Variants in FOXO1 observed in about 807,000 individuals in gnomAD.
FOXO1 encodes forkhead box protein O1.
A neutral mutation model predicts 44.1 loss-of-function variants in FOXO1; 6 were observed. That is an observed-to-expected ratio of 0.14 (90% CI 0.07 to 0.27). FOXO1 has a LOEUF of 0.27. Among genes scored for constraint, FOXO1 ranks in the 10% least tolerant of loss-of-function variants. The pLI is 1.00. For missense variants in FOXO1, 737 were observed against 888.8 expected, an observed-to-expected ratio of 0.83 and a Z score of 2.17; for synonymous variants, 380 against 362.7, an observed-to-expected ratio of 1.05 and a Z score of -0.54.
chr13:40,661,989 T>C (rs915659733), intron 1 of FOXO1, among the ~76,000 whole-genome samples: 5 of 151,686 alleles, frequency 3.3e-5, no homozygotes, highest in Non-Finnish European at 7.4e-5. Flanking sequence ...CAAGCCAATA[T>C]GTGAAACCCC....
rs572770800 is a variant in FOXO1 at position 40,655,719 on chromosome 13, T to C, written c.630+9864A>G. Among the ~76,000 whole-genome samples the C allele has an allele frequency of 9.4e-5, 13 of 138,146 alleles. 1 individual carries two copies. In the South Asian group the frequency reaches 2.5e-3, roughly 27 times the overall value. 90.6% of individuals were successfully genotyped at this position (138,146 alleles called of 152,430 possible). On this transcript the variant is annotated intron_variant, in intron 1 of 2. Transcript: ENST00000379561. ...GTGTCGTGGCATAATCTCAGCTCAC[T>C]ACAGCCTCCACCTCACAGGTCTGAG...
At chr13:40,633,636 T>C (rs573592024) in intron 1 of FOXO1, among the ~76,000 whole-genome samples, 72 of 152,232 alleles carry the variant, frequency 4.7e-4, no homozygotes, top group Non-Finnish European at 1.8e-4. Flanking sequence ...GAGTGACTGG[T>C]AGTAGATTTC....
intron 1 of FOXO1, among the ~76,000 whole-genome samples, chr13:40,655,295 A>C (rs1035450765): frequency 6.7e-6 from 1 of 150,232 alleles, no homozygotes; most frequent in Non-Finnish European, 1.5e-5. Flanking sequence ...GGTTGCAGTG[A>C]GCCAAGATTG....
intron 1 of FOXO1, among the ~76,000 whole-genome samples, chr13:40,598,418 T>TG (rs947709957): frequency 6.6e-6 from 1 of 152,132 alleles, no homozygotes; most frequent in Non-Finnish European, 1.5e-5. Flanking sequence ...TGACCATTTC[T>TG]GATATATTAT....
chr13:40,561,667 TATATAGA>T (rs1874024541), intron 1 of FOXO1, among the ~76,000 whole-genome samples: 1 of 151,806 alleles, frequency 6.6e-6, no homozygotes, highest in Non-Finnish European at 1.5e-5. Context: ...GAATATAGAA[TATATAGA>T]ATATAGAATA....
chr13:40,590,704 C>T (rs573693028), intron 1 of FOXO1, among the ~76,000 whole-genome samples: 41 of 152,292 alleles, frequency 2.7e-4, no homozygotes, highest in African/African-American at 7.9e-4. Flanking sequence ...GCTGCAATAT[C>T]GTTCCAGTTT....
chr13:40,623,797 G>A (rs1352864106), intron 1 of FOXO1, among the ~76,000 whole-genome samples: 3 of 151,862 alleles, frequency 2.0e-5, no homozygotes, highest in Non-Finnish European at 4.4e-5. Flanking sequence ...CAGTTCTGGG[G>A]ACCATGGTCA....
chr13:40,665,828 C>CGGGCGGCGG lies in FOXO1; in HGVS notation c.376_384dup (p.Pro126_Pro128dup). 1.1e-5 allele frequency: 13 copies of CGGGCGGCGG among 1,169,810 alleles called. No homozygotes were observed. Among genetic ancestry groups the CGGGCGGCGG allele is most frequent in the Non-Finnish European group, 1.4e-5 (13 of 946,104 alleles). The allele number at this position is 1,169,810 out of a possible 1,614,324, so 72.5% of individuals were successfully genotyped here. A position where few individuals can be genotyped will look rare whatever the true frequency, so the allele number is the denominator to read the frequency against. ...ACCGGCGGGTGCTGCGACAGCGGCC[C>CGGGCGGCGG]GGGCGGCGGGGGCTGCGGTGGCGCT... On this transcript the variant is annotated inframe_insertion, in exon 1 of 3. Coordinates refer to ENST00000379561, the MANE Select transcript of FOXO1 (RefSeq NM_002015.4).
Position 40,560,861 on chromosome 13 carries a change from C to G in FOXO1, c.631-1G>C. ...GGGACAGATTATGACGAATTGAATT[C>G]TGTAAGGCAAAACATCTTATTAGAA... On this transcript the variant is annotated splice_acceptor_variant, in intron 1 of 2. Coordinates refer to ENST00000379561, the MANE Select transcript of FOXO1 (RefSeq NM_002015.4). LOFTEE classifies it high-confidence loss of function. This position sits in a 1 kb window ranked among gnomAD's most constrained non-coding sequence, Gnocchi z 5.1. The G allele has an allele frequency of 6.3e-7, 1 of 1,594,868 alleles. No individual in the cohort carries two copies. Among genetic ancestry groups the G allele is most frequent in the South Asian group, 1.1e-5 (1 of 88,468 alleles).
intron 1 of FOXO1, among the ~76,000 whole-genome samples, chr13:40,653,296 T>G (rs567426177): frequency 6.6e-6 from 1 of 152,122 alleles, no homozygotes; most frequent in Admixed American, 6.6e-5. Context: ...AGGTACAGAA[T>G]GCAGGGTGCC....
intron 1 of FOXO1, among the ~76,000 whole-genome samples, chr13:40,589,236 A>G (rs2701865): frequency 0.11 from 16,875 of 152,248 alleles, 1,303 homozygotes; most frequent in East Asian, 0.25. Context: ...GTAACTATCT[A>G]TTCACATAAA....
intron 1 of FOXO1, among the ~76,000 whole-genome samples, chr13:40,657,298 C>T (rs903909021): frequency 6.7e-6 from 1 of 150,038 alleles, no homozygotes; most frequent in African/African-American, 2.5e-5. Flanking sequence ...CGTAAGGGAA[C>T]AATCTCCCAT....
At chr13:40,653,723 C>T (rs1877760225) in intron 1 of FOXO1, among the ~76,000 whole-genome samples, 1 of 152,174 alleles carries the variant, frequency 6.6e-6, no homozygotes, top group African/African-American at 2.4e-5. Flanking sequence ...ATGCCAGGTT[C>T]ACTTGGCTAC....
chr13:40,666,160 G>C lies in FOXO1; in HGVS notation c.53C>G (p.Pro18Arg), dbSNP rs1434507228. 2 of 1,463,218 alleles carry C rather than the reference G, an allele frequency of 1.4e-6. No individual in the cohort carries two copies. The highest frequency in any genetic ancestry group is 3.0e-5 in the East Asian group (1 of 33,282). 90.6% of individuals were successfully genotyped at this position (1,463,218 alleles called of 1,614,324 possible). The change falls in exon 1 of 3, where the codon CCC becomes CGC. Residue 18 changes from proline (P) to arginine (R), a missense_variant. By Grantham distance (103) the Pro-to-Arg change is moderately radical. Around this residue, in one of 7 missense-constraint regions of FOXO1, gnomAD observed 213 missense variants for 236.4 expected, o/e 0.90. Transcript: ENST00000379561. ...CGGCCAGGTGCACGAGCGCGGCCGGGGCAGCGGCTCGAAGTCCGGGTCGAT... is the reference window on the plus strand; with the variant it reads ...CGGCCAGGTGCACGAGCGCGGCCGGCGCAGCGGCTCGAAGTCCGGGTCGAT... The part of the protein sequence containing the change: ...VEIDPDFEPL[P>R]RPRSCTWPLP...
intron 1 of FOXO1, among the ~76,000 whole-genome samples, chr13:40,577,767 C>A (rs1188294697): frequency 6.6e-6 from 1 of 151,980 alleles, no homozygotes; most frequent in Non-Finnish European, 1.5e-5. Context: ...ATACTCAATG[C>A]CTAGAACAGA....
Position 40,661,450 on chromosome 13 carries a change from C to T in FOXO1, c.630+4133G>A, listed in dbSNP as rs188266847. On this transcript the variant is annotated intron_variant, in intron 1 of 2. Transcript: ENST00000379561. Reference sequence around the variant, plus strand: ...TAGCTGGGACTACAGGCACCTGCCACCACACCCGGCTAATTTTTTGTATTT... The same window carrying T: ...TAGCTGGGACTACAGGCACCTGCCATCACACCCGGCTAATTTTTTGTATTT... Among the ~76,000 whole-genome samples the T allele has an allele frequency of 6.6e-3, 1,011 of 152,038 alleles. 13 individuals carry two copies. Among genetic ancestry groups the T allele is most frequent in the Admixed American group, 0.011 (175 of 15,256 alleles).
chr13:40,614,615 G>A (rs559927223), intron 1 of FOXO1, among the ~76,000 whole-genome samples: 1 of 152,292 alleles, frequency 6.6e-6, no homozygotes, highest in African/African-American at 2.4e-5. Context: ...TCTTGGCCCT[G>A]CAGAGAAGAA....
chr13:40,665,588 A>G lies in FOXO1; in HGVS notation c.625T>C (p.Trp209Arg). Residue 209 changes from tryptophan to arginine, a missense_variant, in exon 1 of 3, where the codon TGG becomes CGG. Coordinates refer to ENST00000379561, the MANE Select transcript of FOXO1 (RefSeq NM_002015.4). The stretch of plus-strand genomic sequence containing the variant: ...CGCGCGCCGAGTCCACTCACCTTCC[A>G]GCCCGCCGAGCTGTTGCTGTCACCC... ...DKGDSNSSAG[W>R]KNSIRHNLSL... 7.1e-7 allele frequency: 1 copy of G among 1,417,084 alleles called. No individual in the cohort carries two copies. Among genetic ancestry groups the G allele is most frequent in the Non-Finnish European group, 9.4e-7 (1 of 1,067,796 alleles). 87.8% of individuals were successfully genotyped at this position (1,417,084 alleles called of 1,614,324 possible). A position where few individuals can be genotyped will look rare whatever the true frequency, so the allele number is the denominator to read the frequency against.
intron 1 of FOXO1, among the ~76,000 whole-genome samples, chr13:40,623,120 G>GT (rs151085334): frequency 0.15 from 22,624 of 149,772 alleles, 2,159 homozygotes; most frequent in South Asian, 0.27. Context: ...CAATGGGAAT[G>GT]TTTAAAAAAA....
Sources: allele counts gnomAD v4.1 joint callset (sites outside exome capture counted in the v4.1 genomes callset), GRCh38; gene constraint gnomAD v4.1.1; regional missense constraint gnomAD v4.1.1; non-coding constraint Gnocchi (gnomAD v3.1); transcripts MANE v1.5; gene names NCBI Gene and HGNC (gene_info 2026-07-23, HGNC 2026-07-21).